ANO5: variants seen among roughly 807,000 people sequenced by gnomAD.
The protein encoded by ANO5 is anoctamin-5.
Under a neutral mutation model 121.0 loss-of-function variants are expected in ANO5, and 109 were observed. The ratio of observed to expected loss-of-function variants is 0.90; its 90% CI spans 0.77 to 1.06. The LOEUF (loss-of-function observed/expected upper bound fraction) is 1.06. Ranked by LOEUF, ANO5 falls within the 50% of genes least tolerant of loss-of-function variation. ANO5 has a pLI of 0.00. For synonymous variants in ANO5, 406 were observed against 359.9 expected (o/e 1.13, Z -1.45); for missense variants, 1,064 against 1,078.5 (o/e 0.99, Z 0.19).
intron 12 of ANO5, among the ~76,000 whole-genome samples, chr11:22,254,091 A>T (rs1220376538): frequency 2.6e-5 from 4 of 152,164 alleles, no homozygotes; most frequent in African/African-American, 9.7e-5. Flanking sequence ...TTAAATAATG[A>T]GCAAAGGAAA....
At chr11:22,220,232 T>C (rs898896221) in intron 4 of ANO5, among the ~76,000 whole-genome samples, 8 of 152,008 alleles carry the variant, frequency 5.3e-5, no homozygotes, top group Admixed American at 2.6e-4. Context: ...TGGAAAACTA[T>C]CTAATTGACA....
chr11:22,195,806 A>C (rs1363808785), intron 1 of ANO5, among the ~76,000 whole-genome samples: 1 of 152,192 alleles, frequency 6.6e-6, no homozygotes, highest in Non-Finnish European at 1.5e-5. Flanking sequence ...GCCTCTGATT[A>C]GGGTGGAGGT....
intron 12 of ANO5, among the ~76,000 whole-genome samples, chr11:22,251,873 A>C (rs1440123225): frequency 6.6e-6 from 1 of 150,888 alleles, no homozygotes; most frequent in Admixed American, 6.6e-5. Flanking sequence ...AAAAAATACC[A>C]AAAAAAATTA....
At position 22,283,343 on chromosome 11, in the gene ANO5, T is replaced by A. The variant is rs1210534520; in HGVS notation, c.*3578T>A. The A allele has an allele frequency of 6.6e-6, 1 of 152,186 alleles. No individual in the cohort carries two copies. The highest frequency in any genetic ancestry group is 1.5e-5 in the Non-Finnish European group (1 of 68,034). The allele number at this position is 152,186 out of a possible 1,614,324, so 9.4% of individuals were successfully genotyped here. On this transcript the variant is annotated 3_prime_UTR_variant, in exon 22 of 22. Coordinates refer to ENST00000324559, the MANE Select transcript of ANO5 (RefSeq NM_213599.3). Reference sequence around the variant, plus strand: ...CAAATTCACAGAGTGAATAAAGTAATAATATTAAACTACATTTTGACATGA... The same window carrying A: ...CAAATTCACAGAGTGAATAAAGTAAAAATATTAAACTACATTTTGACATGA...
chr11:22,261,610 T>A, intron 15 of ANO5: 1 of 162,898 alleles, frequency 6.1e-6, no homozygotes, highest in Non-Finnish European at 1.3e-5. Context: ...GGTTCCAGTG[T>A]GCTGAGATCA....
Position 22,225,967 on chromosome 11 carries a change from A to AT in ANO5, c.295-8dup, listed in dbSNP as rs778435515. 1,991 of 1,554,568 alleles carry AT rather than the reference A, an allele frequency of 1.3e-3. 5 individuals carry two copies. The highest frequency in any genetic ancestry group is 0.011 in the African/African-American group (783 of 73,478). ...AAAAGCATTCTGCATAATTCTGTTG[A>AT]TTTTTTTTTGTCATAGGAAAGAAGA... On this transcript the variant is annotated splice_polypyrimidine_tract_variant and intron_variant, in intron 5 of 21. Transcript: ENST00000324559.
intron 7 of ANO5, among the ~76,000 whole-genome samples, chr11:22,227,896 A>T (rs902678763): frequency 2.0e-5 from 3 of 152,130 alleles, no homozygotes; most frequent in Non-Finnish European, 2.9e-5. Context: ...AGATCTTTGT[A>T]AAATGGTTTT....
Position 22,279,983 on chromosome 11 carries a change from ATGT to A in ANO5, c.*223_*225del, listed in dbSNP as rs926642935. 3.1e-5 allele frequency: 17 copies of A among 543,658 alleles called. No individual in the cohort carries two copies. Among genetic ancestry groups the A allele is most frequent in the Admixed American group, 6.7e-5 (2 of 29,894 alleles). 33.7% of individuals were successfully genotyped at this position (543,658 alleles called of 1,614,324 possible). ...GCTTCATTGACTGGGCCCTCTCCAG[ATGT>A]TGTTTTCTGAGGTGCTGTAAATGAC... is the stretch of plus-strand genomic sequence containing the variant. On this transcript the variant is annotated 3_prime_UTR_variant, in exon 22 of 22. Transcript: ENST00000324559.
chr11:22,241,850 A>C (rs1361839606), intron 9 of ANO5, among the ~76,000 whole-genome samples: 1 of 151,614 alleles, frequency 6.6e-6, no homozygotes, highest in Non-Finnish European at 1.5e-5. Context: ...TGTCTACTCT[A>C]TTGATACTTT....
chr11:22,277,148 C>T (rs768137413), intron 21 of ANO5, among the ~76,000 whole-genome samples: 1 of 151,302 alleles, frequency 6.6e-6, no homozygotes, highest in Non-Finnish European at 1.5e-5. Context: ...GTTGAGCTAT[C>T]AATTACTGAC....
intron 12 of ANO5, among the ~76,000 whole-genome samples, chr11:22,253,614 T>C (rs1174389182): frequency 6.6e-6 from 1 of 152,184 alleles, no homozygotes; most frequent in Non-Finnish European, 1.5e-5. Context: ...ATCTACTGCA[T>C]ACAGCAGTAA....
At chr11:22,250,642 T>C in intron 10 of ANO5, 99 bp from the exon 11 acceptor site, 1 of 1,240,974 alleles carries the variant, frequency 8.1e-7, no homozygotes, top group South Asian at 1.2e-5. Context: ...CCTTCTGTTA[T>C]ATGTGAGAAG....
intron 9 of ANO5, among the ~76,000 whole-genome samples, chr11:22,248,282 A>G (rs1431112126): frequency 6.6e-6 from 1 of 152,036 alleles, no homozygotes; most frequent in African/African-American, 2.4e-5. Context: ...AAAGTCTAAT[A>G]ATTAAAATGG....
At position 22,193,162 on chromosome 11, in the gene ANO5, G is replaced by A; in HGVS notation, c.-331G>A. ...CGAGCAGGCACAGGGACAGGTGCCT[G>A]GAGAAGTACTGGGAGAGCGCCCAGG... On this transcript the variant is annotated 5_prime_UTR_variant, in exon 1 of 22. Coordinates refer to ENST00000324559, the MANE Select transcript of ANO5 (RefSeq NM_213599.3). The A allele has an allele frequency of 8.4e-7, 1 of 1,188,836 alleles. No individual in the cohort carries two copies. The highest frequency in any genetic ancestry group is 1.1e-6 in the Non-Finnish European group (1 of 947,970). 73.6% of individuals were successfully genotyped at this position (1,188,836 alleles called of 1,614,324 possible). A position where few individuals can be genotyped will look rare whatever the true frequency, so the allele number is the denominator to read the frequency against.
intron 18 of ANO5, among the ~76,000 whole-genome samples, chr11:22,272,011 CGG>C (rs969693713): frequency 6.6e-6 from 1 of 151,900 alleles, no homozygotes; most frequent in African/African-American, 2.4e-5. Context: ...GGAGGAATAA[CGG>C]AAATTTTTTT....
intron 5 of ANO5, among the ~76,000 whole-genome samples, chr11:22,222,182 C>T (rs992067226): frequency 1.3e-5 from 2 of 151,862 alleles, no homozygotes; most frequent in African/African-American, 2.4e-5. Context: ...TTCACTTGTC[C>T]CTGAAATTCC....
At chr11:22,211,232 A>G in intron 2 of ANO5, 32 bp from the exon 3 acceptor site, 1 of 1,608,270 alleles carries the variant, frequency 6.2e-7, no homozygotes, top group Non-Finnish European at 8.5e-7. Context: ...CACTATTAAT[A>G]ATAGCATTAT....
intron 17 of ANO5, among the ~76,000 whole-genome samples, 198 bp downstream of exon 17, chr11:22,263,241 G>C (rs553812453): frequency 7.9e-5 from 12 of 151,908 alleles, no homozygotes; most frequent in Admixed American, 5.9e-4. Flanking sequence ...ATTTATTTTG[G>C]TTCCATGGCT....
At chr11:22,271,160 C>T (rs1854598242) in intron 18 of ANO5, among the ~76,000 whole-genome samples, 1 of 152,164 alleles carries the variant, frequency 6.6e-6, no homozygotes, top group Non-Finnish European at 1.5e-5. Flanking sequence ...TCAAGCGATT[C>T]TCCTGCTTCA....
Sources: gnomAD v4.1 joint callset for allele counts (sites outside exome capture counted in the v4.1 genomes callset) on GRCh38, gnomAD v4.1.1 for gene constraint, MANE v1.5 for transcripts, NCBI Gene and HGNC (gene_info 2026-07-23, HGNC 2026-07-21) for gene names.